Variants in EPS8 observed in about 807,000 individuals in gnomAD.
EPS8 encodes the protein EGFR pathway substrate 8, signaling adaptor.
In EPS8, 42 loss-of-function variants were observed where a neutral mutation model predicts 103.8. The observed-to-expected ratio is 0.40, with a 90% CI of 0.32 to 0.52. The LOEUF (loss-of-function observed/expected upper bound fraction) is 0.52, where lower values mean the gene tolerates loss of function less well. EPS8 is among the 20% of genes least tolerant of loss of function. The pLI, the probability that EPS8 is intolerant of heterozygous loss-of-function variation, is 0.40. For missense variants in EPS8, 969 were observed against 1,005.1 expected (o/e 0.96, Z 0.49); for synonymous variants, 344 against 344.6 (o/e 1.00, Z 0.02).
intron 11 of EPS8, 46 bp downstream of exon 11, chr12:15,658,451 T>C (rs755791929): frequency 1.6e-6 from 2 of 1,241,050 alleles, no homozygotes; most frequent in Non-Finnish European, 1.2e-6. Flanking sequence ...GATTTTCACC[T>C]TTTCCATTTA....
intron 9 of EPS8, among the ~76,000 whole-genome samples, chr12:15,661,443 A>G (rs573261380): frequency 2.4e-4 from 37 of 152,306 alleles, no homozygotes; most frequent in Middle Eastern, 3.4e-3. Context: ...ATAAGCTGGT[A>G]ACATGTATAT....
At chr12:15,685,204 C>T (rs1017002859) in intron 1 of EPS8, among the ~76,000 whole-genome samples, 2 of 152,200 alleles carry the variant, frequency 1.3e-5, no homozygotes, top group Non-Finnish European at 2.9e-5. Context: ...AATTTTAACA[C>T]TATTCCTGGC....
chr12:15,783,896 A>C (rs2136058226), intron 1 of EPS8, among the ~76,000 whole-genome samples: 1 of 152,096 alleles, frequency 6.6e-6, no homozygotes, highest in East Asian at 1.9e-4. Flanking sequence ...ATTCTAAGCA[A>C]TTTATAATCT....
chr12:15,766,532 T>C (rs985386734), intron 1 of EPS8, among the ~76,000 whole-genome samples: 6 of 147,302 alleles, frequency 4.1e-5, no homozygotes, highest in Non-Finnish European at 9.0e-5. Flanking sequence ...TAGCTGGACA[T>C]TGGGAGCTAA....
At chr12:15,671,371 A>C (rs1945814738) in intron 3 of EPS8, among the ~76,000 whole-genome samples, 1 of 152,114 alleles carries the variant, frequency 6.6e-6, no homozygotes, top group African/African-American at 2.4e-5. Flanking sequence ...AATAGGCATT[A>C]CAAGGAACAT....
intron 15 of EPS8, among the ~76,000 whole-genome samples, chr12:15,643,940 G>A (rs901622678): frequency 6.6e-6 from 1 of 152,134 alleles, no homozygotes; most frequent in Non-Finnish European, 1.5e-5. Flanking sequence ...ACTCGAAGGC[G>A]TGGGCTCTAA....
chr12:15,720,154 T>C (rs1028445573), intron 1 of EPS8, among the ~76,000 whole-genome samples: 7 of 152,188 alleles, frequency 4.6e-5, no homozygotes, highest in African/African-American at 1.7e-4. Flanking sequence ...TAGTATCTTC[T>C]TCACATATTA....
Position 15,703,847 on chromosome 12 carries a change from G to GTTTTTT in EPS8, c.-21-20881_-21-20876dup, listed in dbSNP as rs58735135. On this transcript the variant is annotated intron_variant, in intron 1 of 20. Coordinates refer to ENST00000281172, the MANE Select transcript of EPS8 (RefSeq NM_004447.6). ...CACCTGTATTCTGCTCTATGTATTT[G>GTTTTTT]TTTTTTTTTTTTTTTTTTTTTTTGG... Among the ~76,000 whole-genome samples the GTTTTTT allele has an allele frequency of 4.6e-3, 279 of 60,782 alleles. 1 individual carries two copies. The highest frequency in any genetic ancestry group is 0.017 in the Middle Eastern group (1 of 60). 39.9% of individuals were successfully genotyped at this position (60,782 alleles called of 152,430 possible).
chr12:15,731,094 C>G lies in EPS8; in HGVS notation c.-21-48122G>C, dbSNP rs1013705199. On this transcript the variant is annotated intron_variant, in intron 1 of 20. Coordinates refer to ENST00000281172, the MANE Select transcript of EPS8 (RefSeq NM_004447.6). The surrounding 1 kb of genome is among the most constrained non-coding windows in gnomAD (Gnocchi z 5.1). ...ATATCATAGTACCTTAAAGGCATAT[C>G]TATATATGACATAGAAATTCATCTT... 6.6e-6 allele frequency among the ~76,000 whole-genome samples: 1 copy of G among 152,142 alleles called. No homozygotes were observed. The highest frequency in any genetic ancestry group is 2.4e-5 in the African/African-American group (1 of 41,430).
In EPS8 at chr12:15,762,769, G is replaced by T. The variant is rs1947055199; in HGVS notation, c.-22+26392C>A. Among the ~76,000 whole-genome samples the T allele has an allele frequency of 6.6e-6, 1 of 152,118 alleles. No individual in the cohort carries two copies. The highest frequency in any genetic ancestry group is 1.5e-5 in the Non-Finnish European group (1 of 68,016). On this transcript the variant is annotated intron_variant, in intron 1 of 20. Coordinates refer to ENST00000281172, the MANE Select transcript of EPS8 (RefSeq NM_004447.6). This position sits in a 1 kb window ranked among gnomAD's most constrained non-coding sequence, Gnocchi z 4.8. The stretch of plus-strand genomic sequence containing the variant: ...AGAGTATAGAAGGATGGTTACCAGA[G>T]GCTGGGAAGGTGAAGTGGGGATATG...
intron 18 of EPS8, among the ~76,000 whole-genome samples, chr12:15,630,264 G>C (rs1191486618): frequency 1.3e-5 from 2 of 151,614 alleles, no homozygotes; most frequent in African/African-American, 4.8e-5. Flanking sequence ...TCATATTGGG[G>C]AAATATGAAA....
chr12:15,641,047 A>G (rs1945220283), intron 16 of EPS8, among the ~76,000 whole-genome samples: 2 of 152,136 alleles, frequency 1.3e-5, no homozygotes, highest in African/African-American at 4.8e-5. Context: ...ATTATGGTGA[A>G]TCTACCCAAG....
intron 1 of EPS8, among the ~76,000 whole-genome samples, chr12:15,726,924 A>G (rs957888016): frequency 1.3e-5 from 2 of 152,230 alleles, no homozygotes; most frequent in Admixed American, 6.5e-5. Context: ...ATTAAATAGA[A>G]AGCTATTTTC....
intron 1 of EPS8, among the ~76,000 whole-genome samples, chr12:15,783,386 A>G (rs1947279258): frequency 6.6e-6 from 1 of 152,212 alleles, no homozygotes; most frequent in Non-Finnish European, 1.5e-5. Context: ...GTTTTTGGGA[A>G]GTCAAAAATT....
intron 4 of EPS8, among the ~76,000 whole-genome samples, chr12:15,670,069 T>C (rs145402666): frequency 5.3e-4 from 80 of 152,340 alleles, no homozygotes; most frequent in African/African-American, 1.9e-3. Context: ...TACGGAGCCA[T>C]GTTGAACTAC....
chr12:15,665,657 C>G, intron 8 of EPS8, 99 bp downstream of exon 8: 1 of 1,450,018 alleles, frequency 6.9e-7, no homozygotes, highest in Non-Finnish European at 9.6e-7. Flanking sequence ...AAACTAACCT[C>G]AAGCTTCAGT....
In EPS8 at chr12:15,757,057, T is replaced by A. The variant is rs1020566628; in HGVS notation, c.-22+32104A>T. On this transcript the variant is annotated intron_variant, in intron 1 of 20. Coordinates refer to ENST00000281172, the MANE Select transcript of EPS8 (RefSeq NM_004447.6). The surrounding 1 kb of genome is among the most constrained non-coding windows in gnomAD (Gnocchi z 4.1). ...ACCCCTTAAATGCCATTCATGTTAG[T>A]TTTCATCCATAAGCTCCAAGTGGAT... Among the ~76,000 whole-genome samples, 2 of 152,178 alleles carry A rather than the reference T, an allele frequency of 1.3e-5. No individual in the cohort carries two copies. The highest frequency in any genetic ancestry group is 4.8e-5 in the African/African-American group (2 of 41,446).
intron 8 of EPS8, chr12:15,665,334 AT>A (rs1316398324): frequency 0.012 from 1,959 of 159,222 alleles, 2 homozygotes; most frequent in South Asian, 0.027. Flanking sequence ...CTAAGATTTG[AT>A]TTTTTTTTTT....
At chr12:15,782,449 C>T (rs1051845924) in intron 1 of EPS8, among the ~76,000 whole-genome samples, 2 of 152,040 alleles carry the variant, frequency 1.3e-5, no homozygotes, top group African/African-American at 4.8e-5. Flanking sequence ...TGCAGTAGGC[C>T]CAAGATGGCG....
Sources: gnomAD v4.1 joint callset for allele counts (sites outside exome capture counted in the v4.1 genomes callset) on GRCh38, gnomAD v4.1.1 for gene constraint, Gnocchi (gnomAD v3.1) non-coding constraint, MANE v1.5 for transcripts, NCBI Gene and HGNC (gene_info 2026-07-23, HGNC 2026-07-21) for gene names.